Variants in THSD7B observed in about 807,000 individuals in gnomAD.
The protein encoded by THSD7B is thrombospondin type 1 domain containing 7B.
In THSD7B, 138 loss-of-function variants were observed where a neutral mutation model predicts 213.6. The observed-to-expected ratio is 0.65, with a 90% confidence interval of 0.56 to 0.74. The LOEUF (loss-of-function observed/expected upper bound fraction) is 0.74, where lower values mean the gene tolerates loss of function less well. THSD7B is among the 30% of genes least tolerant of loss of function. The pLI, the probability that THSD7B is intolerant of heterozygous loss-of-function variation, is 0.00. For missense variants in THSD7B, 1,931 were observed against 1,991.5 expected, an observed-to-expected ratio of 0.97 and a Z score of 0.58; for synonymous variants, 742 against 687.0, an observed-to-expected ratio of 1.08 and a Z score of -1.25.
Position 136,932,983 on chromosome 2 carries a change from C to A in THSD7B, c.139+50666C>A, listed in dbSNP as rs1684656053. On this transcript the variant is annotated intron_variant, in intron 2 of 27. Coordinates refer to ENST00000409968, the MANE Select transcript of THSD7B (RefSeq NM_001316349.2). ...CTTGGTGCAGATAAAGCATGGGTGG[C>A]TTTCACAGTGGTTAAAAGAAAGGCG... is the stretch of plus-strand genomic sequence containing the variant. Among the ~76,000 whole-genome samples the A allele has an allele frequency of 4.6e-5, 7 of 152,238 alleles. 1 individual carries two copies. In the South Asian group the frequency reaches 1.2e-3, roughly 27 times the overall value.
chr2:136,882,259 G>T lies in THSD7B; in HGVS notation c.81G>T (p.Leu27Phe). ...AGCTCTTTCTATTGCTTTCTCTCTT[G>T]CTGTCCCATGCAGCTCATTTGGAAG... ...MRKLFLLLSL[L>F]LSHAAHLEGK... Residue 27 changes from leucine (L) to phenylalanine (F), a missense_variant, in exon 2 of 28, where the codon TTG becomes TTT. Transcript: ENST00000409968. 1.3e-6 allele frequency: 2 copies of T among 1,545,020 alleles called. No homozygotes were observed.
intron 15 of THSD7B, among the ~76,000 whole-genome samples, chr2:137,501,106 G>A (rs1313180939): frequency 6.6e-6 from 1 of 152,122 alleles, no homozygotes; most frequent in Non-Finnish European, 1.5e-5. Flanking sequence ...CTTTAACAGG[G>A]TGATTCTGTC....
At chr2:137,074,237 A>C (rs1186474284) in intron 3 of THSD7B, among the ~76,000 whole-genome samples, 1 of 151,922 alleles carries the variant, frequency 6.6e-6, no homozygotes, top group East Asian at 1.9e-4. Flanking sequence ...TTTGTAGGTC[A>C]CTAAGGACTT....
At chr2:137,481,402 G>T (rs1196787382) in intron 15 of THSD7B, among the ~76,000 whole-genome samples, 3 of 152,250 alleles carry the variant, frequency 2.0e-5, no homozygotes, top group Non-Finnish European at 2.9e-5. Flanking sequence ...ATTAGATAAG[G>T]TTATTAGTTA....
rs751881748 is a variant in THSD7B at position 137,563,388 on chromosome 2, G to A, written c.3272+34G>A. On this transcript the variant is annotated intron_variant, in intron 16 of 27. Coordinates refer to ENST00000409968, the MANE Select transcript of THSD7B (RefSeq NM_001316349.2). ...AAATGGAGAGATTTGGGAAATAGGG[G>A]GAAGTGGAACTTATACATTTTTTAT... is the stretch of plus-strand genomic sequence containing the variant. 9 of 1,608,218 alleles carry A rather than the reference G, an allele frequency of 5.6e-6. No individual in the cohort carries two copies. The Admixed American group carries it at 1.0e-4, about 18-fold the overall frequency.
chr2:137,369,255 G>A (rs965301755), intron 12 of THSD7B, among the ~76,000 whole-genome samples: 13 of 151,844 alleles, frequency 8.6e-5, no homozygotes, highest in African/African-American at 1.2e-4. Flanking sequence ...CCTCACAGTC[G>A]CTAATGAGTT....
At chr2:137,155,689 T>C (rs1238846060) in intron 5 of THSD7B, among the ~76,000 whole-genome samples, 2 of 152,204 alleles carry the variant, frequency 1.3e-5, no homozygotes, top group Non-Finnish European at 1.5e-5. Flanking sequence ...TTGGTCTCAC[T>C]GCCTCCTTGA....
At chr2:137,085,237 A>G (rs2104908411) in intron 3 of THSD7B, among the ~76,000 whole-genome samples, 1 of 152,332 alleles carries the variant, frequency 6.6e-6, no homozygotes, top group South Asian at 2.1e-4. Flanking sequence ...AATGATTAGT[A>G]TTGGATAAGA....
At chr2:136,912,020 G>A (rs368413751) in intron 2 of THSD7B, among the ~76,000 whole-genome samples, 5 of 151,968 alleles carry the variant, frequency 3.3e-5, no homozygotes, top group African/African-American at 1.2e-4. Flanking sequence ...GGGAAAGAGG[G>A]AGGAAGAAAG....
chr2:137,176,362 G>A (rs972811263), intron 7 of THSD7B, among the ~76,000 whole-genome samples: 19 of 152,146 alleles, frequency 1.2e-4, no homozygotes, highest in Non-Finnish European at 1.8e-4. Flanking sequence ...TTTTAAGAAA[G>A]TAACTATCAT....
intron 16 of THSD7B, among the ~76,000 whole-genome samples, chr2:137,565,413 A>G (rs1258164286): frequency 6.6e-6 from 1 of 152,130 alleles, no homozygotes; most frequent in Admixed American, 6.6e-5. Context: ...ACAAGCAAGC[A>G]TGTGAGAATG....
intron 14 of THSD7B, among the ~76,000 whole-genome samples, chr2:137,442,826 A>C (rs1189238191): frequency 6.6e-6 from 1 of 152,152 alleles, no homozygotes; most frequent in Non-Finnish European, 1.5e-5. Context: ...TAAAGTACAT[A>C]CAGTATGGTG....
intron 2 of THSD7B, among the ~76,000 whole-genome samples, chr2:137,046,090 C>T (rs1340524813): frequency 1.3e-5 from 2 of 152,006 alleles, no homozygotes; most frequent in Non-Finnish European, 2.9e-5. Context: ...CCTAACTACA[C>T]TTGGACATGA....
chr2:137,222,388 A>G (rs1681390323), intron 7 of THSD7B, among the ~76,000 whole-genome samples: 1 of 152,166 alleles, frequency 6.6e-6, no homozygotes, highest in Non-Finnish European at 1.5e-5. Context: ...TTGCTCCAAT[A>G]TTTTCCTTTT....
At chr2:136,928,693 A>T (rs989094621) in intron 2 of THSD7B, among the ~76,000 whole-genome samples, 12 of 152,224 alleles carry the variant, frequency 7.9e-5, no homozygotes, top group Non-Finnish European at 1.6e-4. Flanking sequence ...ATCTTATTTT[A>T]ATTTGAGGAA....
At chr2:137,615,461 C>A (rs1273942461) in intron 17 of THSD7B, among the ~76,000 whole-genome samples, 2 of 152,218 alleles carry the variant, frequency 1.3e-5, no homozygotes, top group Admixed American at 6.5e-5. Context: ...GTGGGTAGAC[C>A]AGCTGGATGA....
intron 15 of THSD7B, among the ~76,000 whole-genome samples, chr2:137,556,876 G>A (rs1298727709): frequency 6.6e-6 from 1 of 151,956 alleles, no homozygotes; most frequent in Non-Finnish European, 1.5e-5. Context: ...AACAAAAAAA[G>A]GCAGGGGTTG....
At chr2:136,892,353 C>T (rs536743251) in intron 2 of THSD7B, among the ~76,000 whole-genome samples, 2 of 152,236 alleles carry the variant, frequency 1.3e-5, no homozygotes, top group South Asian at 4.2e-4. Flanking sequence ...AGTTACCTGG[C>T]CACTCCTAGC....
chr2:137,297,007 A>G (rs1484529339), intron 12 of THSD7B, among the ~76,000 whole-genome samples: 1 of 151,518 alleles, frequency 6.6e-6, no homozygotes, highest in Non-Finnish European at 1.5e-5. Flanking sequence ...TTTTGTCTCC[A>G]GTGAACTGCT....
Sources: gnomAD v4.1 joint callset for allele counts (sites outside exome capture counted in the v4.1 genomes callset) on GRCh38, gnomAD v4.1.1 for gene constraint, MANE v1.5 for transcripts, NCBI Gene and HGNC (gene_info 2026-07-23, HGNC 2026-07-21) for gene names.